VWC2L: variants seen among roughly 807,000 people sequenced by gnomAD.
VWC2L encodes von Willebrand factor C domain-containing protein 2-like.
VWC2L carries 10 observed loss-of-function variants against 21.6 expected under a neutral mutation model. The observed-to-expected ratio is 0.46, with a 90% confidence interval of 0.29 to 0.78. VWC2L has a LOEUF of 0.78. VWC2L is among the 30% of genes least tolerant of loss of function. The pLI is 0.10. For synonymous variants in VWC2L, 96 were observed against 94.3 expected (o/e 1.02, Z -0.10); for missense variants, 209 against 277.1 (o/e 0.75, Z 1.74).
At chr2:214,539,936 T>C (rs529584454) in intron 3 of VWC2L, among the ~76,000 whole-genome samples, 1 of 152,098 alleles carries the variant, frequency 6.6e-6, no homozygotes, top group African/African-American at 2.4e-5. Context: ...GTGTTTTGTA[T>C]TGGTAAAAAT....
chr2:214,437,160 T>C (rs990159540), intron 3 of VWC2L, among the ~76,000 whole-genome samples: 2 of 152,158 alleles, frequency 1.3e-5, no homozygotes, highest in African/African-American at 4.8e-5. Context: ...TATTTTGTTT[T>C]GAATGTAGAT....
At chr2:214,544,301 G>A (rs1689672234) in intron 3 of VWC2L, among the ~76,000 whole-genome samples, 1 of 152,188 alleles carries the variant, frequency 6.6e-6, no homozygotes, top group Non-Finnish European at 1.5e-5. Flanking sequence ...CCTCAGAGCT[G>A]CTGATTCATT....
chr2:214,569,921 A>G (rs573035037), intron 3 of VWC2L, among the ~76,000 whole-genome samples: 4 of 152,110 alleles, frequency 2.6e-5, no homozygotes, highest in Non-Finnish European at 5.9e-5. Context: ...GTGGCTATCA[A>G]CTTCCTTTTC....
At chr2:214,432,655 T>C (rs115442076) in intron 2 of VWC2L, among the ~76,000 whole-genome samples, 112 of 152,324 alleles carry the variant, frequency 7.4e-4, no homozygotes, top group African/African-American at 2.6e-3. Flanking sequence ...CTCTATTAAC[T>C]ATACTGTGTA....
chr2:214,501,769 C>T (rs567156417), intron 3 of VWC2L, among the ~76,000 whole-genome samples: 2 of 151,538 alleles, frequency 1.3e-5, no homozygotes, highest in South Asian at 4.2e-4. Context: ...TAGGCCTAGG[C>T]CTTAAAAAGG....
At chr2:214,444,179 A>G (rs1246545143) in intron 3 of VWC2L, among the ~76,000 whole-genome samples, 1 of 152,098 alleles carries the variant, frequency 6.6e-6, no homozygotes, top group African/African-American at 2.4e-5. Context: ...CTTCAAATCA[A>G]TGGGAGAAAG....
intron 3 of VWC2L, among the ~76,000 whole-genome samples, chr2:214,516,079 A>G (rs532720910): frequency 3.9e-5 from 6 of 152,214 alleles, no homozygotes; most frequent in Non-Finnish European, 7.4e-5. Flanking sequence ...CAGACTCTTG[A>G]GAGTCTATTA....
intron 3 of VWC2L, among the ~76,000 whole-genome samples, chr2:214,563,868 T>A (rs574150236): frequency 6.6e-6 from 1 of 152,208 alleles, no homozygotes; most frequent in South Asian, 2.1e-4. Flanking sequence ...AGAAATAAAG[T>A]GTATTCAAAT....
chr2:214,422,812 T>C (rs1254745373), intron 2 of VWC2L, among the ~76,000 whole-genome samples: 1 of 152,164 alleles, frequency 6.6e-6, no homozygotes, highest in Non-Finnish European at 1.5e-5. Context: ...AGAAAGATCA[T>C]TCAGCTCCTG....
intron 3 of VWC2L, among the ~76,000 whole-genome samples, chr2:214,467,919 G>T (rs577915221): frequency 6.6e-6 from 1 of 152,224 alleles, no homozygotes; most frequent in South Asian, 2.1e-4. Context: ...GCTGAGATGG[G>T]AGAATCACTT....
chr2:214,446,839 A>G (rs1702845183), intron 3 of VWC2L, among the ~76,000 whole-genome samples: 1 of 152,182 alleles, frequency 6.6e-6, no homozygotes, highest in Non-Finnish European at 1.5e-5. Context: ...TGAGAGACTG[A>G]TGGAAGGGTG....
chr2:214,488,829 G>T (rs1014673673), intron 3 of VWC2L, among the ~76,000 whole-genome samples: 1 of 152,152 alleles, frequency 6.6e-6, no homozygotes, highest in Non-Finnish European at 1.5e-5. Context: ...GTGGAAGCAA[G>T]AGAGAGGAGG....
chr2:214,469,793 G>A (rs1037327624), intron 3 of VWC2L, among the ~76,000 whole-genome samples: 6 of 152,154 alleles, frequency 3.9e-5, no homozygotes, highest in Admixed American at 3.9e-4. Context: ...TAAGTAAAAT[G>A]TAAACTTTAA....
chr2:214,451,312 G>GC lies in VWC2L; in HGVS notation c.520+14554_520+14555insC, dbSNP rs772341455. ...GGAAGGATAAGTGGGTCGGTGTGGGGGGGGGGGGCAGTAAAAGCTGAAATA... is the reference window on the plus strand; with the variant it reads ...GGAAGGATAAGTGGGTCGGTGTGGGGCGGGGGGGGCAGTAAAAGCTGAAATA... On this transcript the variant is annotated intron_variant, in intron 3 of 3. Coordinates refer to ENST00000312504, the MANE Select transcript of VWC2L (RefSeq NM_001080500.4). Among the ~76,000 whole-genome samples the GC allele has an allele frequency of 1.5e-3, 219 of 150,606 alleles. 3 individuals carry two copies. Among genetic ancestry groups the GC allele is most frequent in the African/African-American group, 4.9e-3 (201 of 41,140 alleles).
chr2:214,564,101 C>G (rs1574639174), intron 3 of VWC2L, among the ~76,000 whole-genome samples: 1 of 152,198 alleles, frequency 6.6e-6, no homozygotes, highest in East Asian at 1.9e-4. Context: ...CCTAGAAATA[C>G]AGCTAACAAG....
rs56085205 is a variant in VWC2L at position 214,499,009 on chromosome 2, CTTTTTTTTTTTT to C, written c.520+62269_520+62280del. The stretch of plus-strand genomic sequence containing the variant: ...CTTCTGAGGCTTATATCGTACCATT[CTTTTTTTTTTTT>C]TTTTTTTTTTTTTTTTTGAGACAGA... On this transcript the variant is annotated intron_variant, in intron 3 of 3. Transcript: ENST00000312504. 6.6e-3 allele frequency among the ~76,000 whole-genome samples: 547 copies of C among 83,454 alleles called. 7 individuals carry two copies. The East Asian group carries it at 0.069, about 10-fold the overall frequency. 54.7% of individuals were successfully genotyped at this position (83,454 alleles called of 152,430 possible).
chr2:214,476,095 C>A (rs1334461418), intron 3 of VWC2L, among the ~76,000 whole-genome samples: 2 of 152,142 alleles, frequency 1.3e-5, no homozygotes, highest in African/African-American at 4.8e-5. Context: ...CATGTGTTAT[C>A]CAGGACATGA....
intron 2 of VWC2L, among the ~76,000 whole-genome samples, chr2:214,434,928 T>A (rs1190573512): frequency 2.6e-5 from 4 of 152,154 alleles, no homozygotes; most frequent in Non-Finnish European, 5.9e-5. Context: ...TAAACAATGC[T>A]AGCTGTGGGG....
At chr2:214,412,976 C>T (rs1297618462) in intron 1 of VWC2L, among the ~76,000 whole-genome samples, 1 of 152,032 alleles carries the variant, frequency 6.6e-6, no homozygotes, top group Non-Finnish European at 1.5e-5. Flanking sequence ...ACAGTCTCCC[C>T]AGAGCCTCTG....
Sources: gnomAD v4.1 joint callset for allele counts (sites outside exome capture counted in the v4.1 genomes callset) on GRCh38, gnomAD v4.1.1 for gene constraint, MANE v1.5 for transcripts, NCBI Gene and HGNC (gene_info 2026-07-23, HGNC 2026-07-21) for gene names.